Variants in DMD observed in about 807,000 individuals in gnomAD.
The protein encoded by DMD is mutant dystrophin.
In DMD, 63 loss-of-function variants were observed where a neutral mutation model predicts 330.1. That is an observed-to-expected ratio of 0.19 (90% CI 0.16 to 0.24). The LOEUF (loss-of-function observed/expected upper bound fraction) is 0.24, where lower values mean the gene tolerates loss of function less well. DMD is among the 10% of genes least tolerant of loss of function. The pLI is 1.00. For synonymous variants in DMD, 1,223 were observed against 959.8 expected, an observed-to-expected ratio of 1.27 and a Z score of -5.07; for missense variants, 3,344 against 2,684.1, an observed-to-expected ratio of 1.25 and a Z score of -5.43.
intron 13 of DMD, among the ~76,000 whole-genome samples, chrX:32,585,084 G>T (rs1399980359): frequency 1.8e-5 from 2 of 111,018 alleles, no homozygotes; most frequent in African/African-American, 3.3e-5. Flanking sequence ...AAATAAGCAG[G>T]CACAGAAAGA....
intron 7 of DMD, among the ~76,000 whole-genome samples, chrX:32,807,148 A>C (rs1236504252): frequency 9.6e-6 from 1 of 104,169 alleles, no homozygotes; most frequent in Non-Finnish European, 1.9e-5. Flanking sequence ...AAAAAAAAAA[A>C]ACATCAACAA....
At chrX:32,954,039 TTTA>T (rs2091422740) in intron 2 of DMD, among the ~76,000 whole-genome samples, 1 of 112,090 alleles carries the variant, frequency 8.9e-6, no homozygotes, top group East Asian at 2.8e-4. Flanking sequence ...ATTGTTTCAT[TTTA>T]TTATTTGCTA....
At chrX:33,147,822 C>A (rs1182588828) in intron 1 of DMD, among the ~76,000 whole-genome samples, 1 of 111,503 alleles carries the variant, frequency 9.0e-6, no homozygotes, top group Non-Finnish European at 1.9e-5. Flanking sequence ...TTCTGAAGGG[C>A]AAAATATATA....
chrX:32,758,879 A>C (rs1159394807), intron 7 of DMD, among the ~76,000 whole-genome samples: 1 of 111,967 alleles, frequency 8.9e-6, no homozygotes, highest in Non-Finnish European at 1.9e-5. Flanking sequence ...ATAGGCGTCC[A>C]CAAACAAAAC....
chrX:32,633,454 T>C (rs1157923803), intron 11 of DMD, among the ~76,000 whole-genome samples: 5 of 112,021 alleles, frequency 4.5e-5, no homozygotes, highest in African/African-American at 6.5e-5. Context: ...AACCAGTCTC[T>C]AAGACATTCC....
intron 9 of DMD, among the ~76,000 whole-genome samples, chrX:32,665,038 T>C (rs772406561): frequency 3.4e-4 from 38 of 112,345 alleles, no homozygotes; most frequent in African/African-American, 1.2e-3. Context: ...CAAATCCTCC[T>C]ACATTTACTT....
chrX:31,670,447 G>A (rs1478959363), intron 53 of DMD, among the ~76,000 whole-genome samples: 1 of 111,771 alleles, frequency 8.9e-6, no homozygotes, highest in African/African-American at 3.2e-5. Context: ...TTATCAGGTT[G>A]AGGAAATCCT....
intron 48 of DMD, among the ~76,000 whole-genome samples, chrX:31,867,090 T>TTATATATATATATATATA (rs1569487063): frequency 1.4e-3 from 82 of 56,812 alleles, no homozygotes; most frequent in African/African-American, 6.6e-3. Flanking sequence ...CAACATATTT[T>TTATATATATATATATATA]GATATATATA....
chrX:31,261,280 T>C (rs1477567783), intron 62 of DMD: 1 of 337,359 alleles, frequency 3.0e-6, no homozygotes, highest in Non-Finnish European at 5.3e-6. Context: ...CACAAATCGA[T>C]CGCACTTCAG....
At chrX:32,607,790 A>C (rs1480238555) in intron 12 of DMD, among the ~76,000 whole-genome samples, 1 of 110,621 alleles carries the variant, frequency 9.0e-6, no homozygotes, top group African/African-American at 3.3e-5. Context: ...GTTTTTTATA[A>C]TTAGTTTATC....
chrX:32,219,531 T>G (rs976741574), intron 43 of DMD, among the ~76,000 whole-genome samples: 1 of 111,743 alleles, frequency 8.9e-6, no homozygotes, highest in African/African-American at 3.3e-5. Flanking sequence ...TAAAATTTTT[T>G]TTTAAATGGC....
intron 63 of DMD, among the ~76,000 whole-genome samples, chrX:31,227,110 T>A (rs932645065): frequency 1.8e-5 from 2 of 111,377 alleles, no homozygotes; most frequent in Non-Finnish European, 3.8e-5. Context: ...ATCTTTCTTC[T>A]TTCAAAGAAC....
rs1421880796 is a variant in DMD at position 32,844,783 on chromosome X, A to G, written c.264T>C (p.Asn88=). The G allele has an allele frequency of 8.3e-7, 1 of 1,207,756 alleles. No homozygotes were observed. The highest frequency in any genetic ancestry group is 2.2e-5 in the Admixed American group (1 of 46,074). ...AGACCTTGTCCAGGGTACTACTTAC[A>G]TTATTGTTCTGCAAAACCCGCAGTG... ...NKALRVLQNN[N]VDLVNIGSTD... is the part of the protein sequence containing the mutation. Residue 88 remains asparagine, a splice_region_variant and synonymous_variant, in exon 4 of 79, where the codon AAT becomes AAC. Transcript: ENST00000357033.
At chrX:32,004,304 C>T (rs1205538805) in intron 44 of DMD, among the ~76,000 whole-genome samples, 1 of 111,410 alleles carries the variant, frequency 9.0e-6, no homozygotes, top group Admixed American at 9.6e-5. Flanking sequence ...TCATGTATAT[C>T]AGAGATATTA....
At chrX:33,211,655 A>G (rs745692734), upstream of DMD, 3 of 696,199 alleles carry the variant, frequency 4.3e-6, no homozygotes, top group African/African-American at 2.2e-5. Context: ...AGGACTGTCC[A>G]TGGTCACTAC....
chrX:32,414,128 A>G (rs1040206008), intron 29 of DMD, among the ~76,000 whole-genome samples: 4 of 111,405 alleles, frequency 3.6e-5, no homozygotes, highest in Non-Finnish European at 7.5e-5. Flanking sequence ...TTTATTTCCC[A>G]ACCTACACTG....
chrX:32,191,953 T>C (rs954281450), intron 44 of DMD, among the ~76,000 whole-genome samples: 13 of 111,824 alleles, frequency 1.2e-4, no homozygotes, highest in African/African-American at 2.6e-4. Flanking sequence ...AAGAGGGACA[T>C]TGATGGAAAC....
chrX:32,380,374 A>C (rs2097919785), intron 34 of DMD, 136 bp downstream of exon 34: 2 of 629,591 alleles, frequency 3.2e-6, no homozygotes, highest in African/African-American at 4.5e-5. Context: ...AGCACAGATT[A>C]ATTTTTAAGA....
intron 20 of DMD, among the ~76,000 whole-genome samples, chrX:32,490,793 T>A (rs371128136): frequency 1.4e-4 from 16 of 112,099 alleles, no homozygotes; most frequent in African/African-American, 5.2e-4. Flanking sequence ...AATATCTTTT[T>A]GTAAAGAAAC....
Sources: gnomAD v4.1 joint callset for allele counts (sites outside exome capture counted in the v4.1 genomes callset) on GRCh38, gnomAD v4.1.1 for gene constraint, MANE v1.5 for transcripts, NCBI Gene and HGNC (gene_info 2026-07-23, HGNC 2026-07-21) for gene names.